The following RELN variants were observed in gnomAD, a reference collection of about 807,000 sequenced individuals.
RELN encodes reelin.
A neutral mutation model predicts 427.6 loss-of-function variants in RELN; 108 were observed. The observed-to-expected ratio is 0.25, with a 90% CI of 0.22 to 0.30. The LOEUF is 0.30. Among genes scored for constraint, RELN ranks in the 10% least tolerant of loss-of-function variants. RELN has a pLI of 1.00. For synonymous variants in RELN, 1,524 were observed against 1,513.4 expected, an observed-to-expected ratio of 1.01 and a Z score of -0.16; for missense variants, 3,715 against 4,302.8, an observed-to-expected ratio of 0.86 and a Z score of 3.82.
chr7:103,792,409 T>C (rs942857374), intron 3 of RELN, among the ~76,000 whole-genome samples: 8 of 152,162 alleles, frequency 5.3e-5, no homozygotes, highest in African/African-American at 9.7e-5. Flanking sequence ...TGAAGTACCG[T>C]TCATGCTACA....
intron 3 of RELN, among the ~76,000 whole-genome samples, chr7:103,825,773 C>A (rs1358281736): frequency 1.3e-5 from 2 of 152,066 alleles, no homozygotes; most frequent in Non-Finnish European, 2.9e-5. Flanking sequence ...AACTGAGGAA[C>A]TGAATTTTTT....
At chr7:103,906,608 G>A (rs981502507) in intron 2 of RELN, among the ~76,000 whole-genome samples, 1 of 152,220 alleles carries the variant, frequency 6.6e-6, no homozygotes, top group Middle Eastern at 3.4e-3. Flanking sequence ...CATAGCTCCT[G>A]AATGTTTACT....
intron 58 of RELN, 105 bp downstream of exon 58, chr7:103,491,848 T>C (rs879035010): frequency 1.4e-5 from 8 of 582,006 alleles, no homozygotes; most frequent in African/African-American, 2.5e-5. Flanking sequence ...TCTCTCTCTC[T>C]CTCTCTCTCA....
intron 1 of RELN, among the ~76,000 whole-genome samples, chr7:103,967,628 C>T (rs977966459): frequency 1.3e-5 from 2 of 152,198 alleles, no homozygotes; most frequent in Non-Finnish European, 2.9e-5. Context: ...ATCATGTGAG[C>T]AAGGCTCCAT....
chr7:103,705,340 A>C (rs999225219), intron 8 of RELN, among the ~76,000 whole-genome samples: 1 of 151,970 alleles, frequency 6.6e-6, no homozygotes, highest in Non-Finnish European at 1.5e-5. Context: ...ACCACCCCAA[A>C]TACAAACAAA....
chr7:103,826,083 T>C (rs565347431), intron 3 of RELN, among the ~76,000 whole-genome samples: 1 of 150,302 alleles, frequency 6.7e-6, no homozygotes, highest in Admixed American at 6.6e-5. Context: ...GATAAAAGGA[T>C]GAGATGGGTT....
At chr7:103,805,858 G>C (rs751903328) in intron 3 of RELN, among the ~76,000 whole-genome samples, 1 of 152,184 alleles carries the variant, frequency 6.6e-6, no homozygotes, top group Non-Finnish European at 1.5e-5. Flanking sequence ...AGAGAGGACA[G>C]TGATTGCCAT....
intron 38 of RELN, among the ~76,000 whole-genome samples, chr7:103,554,628 C>T: frequency 6.7e-6 from 1 of 149,342 alleles, no homozygotes; most frequent in Non-Finnish European, 1.5e-5. Context: ...AATTGATATA[C>T]CATGGAACTG....
intron 8 of RELN, among the ~76,000 whole-genome samples, chr7:103,711,656 C>A (rs560896912): frequency 2.2e-4 from 34 of 152,126 alleles, no homozygotes; most frequent in Admixed American, 4.6e-4. Context: ...TTTACACACA[C>A]AAAAAAGCTA....
chr7:103,899,775 CTG>C (rs1440144256), intron 2 of RELN, among the ~76,000 whole-genome samples: 1 of 152,106 alleles, frequency 6.6e-6, no homozygotes, highest in Non-Finnish European at 1.5e-5. Context: ...TCTCAATAAA[CTG>C]GGTATTGATG....
At chr7:103,722,480 C>T (rs1036866348) in intron 8 of RELN, among the ~76,000 whole-genome samples, 3 of 152,132 alleles carry the variant, frequency 2.0e-5, no homozygotes, top group Non-Finnish European at 2.9e-5. Context: ...TCCCCTAGAA[C>T]ATTTCCTCTG....
At chr7:103,892,403 A>C (rs1475555426) in intron 2 of RELN, among the ~76,000 whole-genome samples, 1 of 152,214 alleles carries the variant, frequency 6.6e-6, no homozygotes, top group Non-Finnish European at 1.5e-5. Flanking sequence ...ACAAATTAAA[A>C]GGGTGAAAGG....
intron 1 of RELN, among the ~76,000 whole-genome samples, chr7:103,920,054 G>T (rs933647431): frequency 1.3e-5 from 2 of 152,126 alleles, no homozygotes; most frequent in African/African-American, 4.8e-5. Context: ...GATTATCCAT[G>T]TGTGTAGATC....
At chr7:103,632,532 A>T (rs932390068) in intron 19 of RELN, among the ~76,000 whole-genome samples, 6 of 152,170 alleles carry the variant, frequency 3.9e-5, no homozygotes, top group Admixed American at 2.6e-4. Context: ...CTTGTTCTTA[A>T]CTTCTACATC....
At chr7:103,749,309 C>T in intron 6 of RELN, 117 bp downstream of exon 6, 1 of 809,134 alleles carries the variant, frequency 1.2e-6, no homozygotes. Flanking sequence ...TAACAAGTCT[C>T]ACTGATAGCT....
At chr7:103,700,191 AT>A (rs959867260) in intron 9 of RELN, among the ~76,000 whole-genome samples, 30 of 152,174 alleles carry the variant, frequency 2.0e-4, no homozygotes, top group African/African-American at 6.5e-4. Flanking sequence ...AGTTTAAGGC[AT>A]TTTTTCCTTT....
At chr7:103,571,240 C>CT (rs2117199122) in intron 31 of RELN, among the ~76,000 whole-genome samples, 1 of 152,292 alleles carries the variant, frequency 6.6e-6, no homozygotes, top group Non-Finnish European at 1.5e-5. Flanking sequence ...GGTGCAAACT[C>CT]TTTACATGTT....
chr7:103,949,037 A>AC (rs1297282806), intron 1 of RELN, among the ~76,000 whole-genome samples: 23 of 150,476 alleles, frequency 1.5e-4, no homozygotes, highest in South Asian at 6.3e-4. Context: ...AAAAAAAAAA[A>AC]AAAAAAAAAA....
intron 1 of RELN, among the ~76,000 whole-genome samples, chr7:103,959,621 C>G (rs55683180): frequency 1.3e-5 from 2 of 151,708 alleles, no homozygotes; most frequent in Non-Finnish European, 2.9e-5. Context: ...CTCTTTTTTT[C>G]TTTTTCTGAG....
Sources: allele counts gnomAD v4.1 joint callset (sites outside exome capture counted in the v4.1 genomes callset), GRCh38; gene constraint gnomAD v4.1.1; transcripts MANE v1.5; gene names NCBI Gene and HGNC (gene_info 2026-07-23, HGNC 2026-07-21).